Variants in MAPRE3 observed in about 807,000 individuals in gnomAD.
The protein encoded by MAPRE3 is microtubule associated protein RP/EB family member 3.
A neutral mutation model predicts 30.5 loss-of-function variants in MAPRE3; 2 were observed. The ratio of observed to expected loss-of-function variants is 0.07; its 90% CI spans 0.03 to 0.21. MAPRE3 has a LOEUF of 0.21. Ranked by LOEUF, MAPRE3 falls within the 10% of genes least tolerant of loss-of-function variation. MAPRE3 has a pLI of 1.00. For synonymous variants in MAPRE3, 110 were observed against 127.7 expected, an observed-to-expected ratio of 0.86 and a Z score of 0.93; for missense variants, 204 against 351.8, an observed-to-expected ratio of 0.58 and a Z score of 3.36.
intron 1 of MAPRE3, among the ~76,000 whole-genome samples, chr2:26,999,572 C>T (rs1308434058): frequency 3.9e-5 from 5 of 126,658 alleles, no homozygotes; most frequent in East Asian, 4.7e-4. Flanking sequence ...GGTGTGATCT[C>T]GGCTCACTGC....
chr2:26,971,397 TGGCTG>T (rs1481056410), intron 1 of MAPRE3, among the ~76,000 whole-genome samples: 1 of 152,192 alleles, frequency 6.6e-6, no homozygotes, highest in Non-Finnish European at 1.5e-5. Context: ...CGAATAGATT[TGGCTG>T]GGAAGGGTTC....
rs1666201950 is a variant in MAPRE3 at position 26,985,649 on chromosome 2, TC to T, written c.-8+14852del. ...TAACAAATTACTGTGAGAGTTCTAA[TC>T]CCCCAGAACTGGTAAATATTCCTTT... is the stretch of plus-strand genomic sequence containing the variant. On this transcript the variant is annotated intron_variant, in intron 1 of 6. Transcript: ENST00000233121. The surrounding 1 kb of genome is among the most constrained non-coding windows in gnomAD (Gnocchi z 4.2). Among the ~76,000 whole-genome samples the T allele has an allele frequency of 6.6e-6, 1 of 152,104 alleles. No individual in the cohort carries two copies. The highest frequency in any genetic ancestry group is 2.4e-5 in the African/African-American group (1 of 41,412).
chr2:26,977,722 G>C (rs1290850003), intron 1 of MAPRE3, among the ~76,000 whole-genome samples: 1 of 152,178 alleles, frequency 6.6e-6, no homozygotes, highest in African/African-American at 2.4e-5. Flanking sequence ...GCCACACCAG[G>C]TCCATGGAGC....
chr2:27,025,442 G>C (rs971742652), intron 4 of MAPRE3, 141 bp from the exon 5 acceptor site: 17 of 810,416 alleles, frequency 2.1e-5, no homozygotes, highest in Non-Finnish European at 3.3e-5. Context: ...AGCTGTAGAT[G>C]CCCTTCCTGG....
chr2:27,010,147 C>T (rs1326564541), intron 1 of MAPRE3, among the ~76,000 whole-genome samples: 1 of 152,198 alleles, frequency 6.6e-6, no homozygotes, highest in Admixed American at 6.5e-5. Flanking sequence ...TTCCACAAAA[C>T]CAAACATTAA....
At chr2:26,995,780 G>GGGGTGTGTGT (rs1433584791) in intron 1 of MAPRE3, among the ~76,000 whole-genome samples, 2 of 109,694 alleles carry the variant, frequency 1.8e-5, no homozygotes, top group African/African-American at 3.5e-5. Flanking sequence ...TTCTAAGAGA[G>GGGGTGTGTGT]GTGTGTGTGT....
rs969843108 is a variant in MAPRE3, at chr2:26,970,770, C to CCCTCCG, written c.-31_-26dup. 6.5e-6 allele frequency: 1 copy of CCCTCCG among 152,756 alleles called. No homozygotes were observed. Among genetic ancestry groups the CCCTCCG allele is most frequent in the Admixed American group, 6.5e-5 (1 of 15,314 alleles). The allele number at this position is 152,756 out of a possible 1,614,324, so 9.5% of individuals were successfully genotyped here. On this transcript the variant is annotated 5_prime_UTR_variant, in exon 1 of 7. Transcript: ENST00000233121. ...AGCGCCCCCGCCACCTGTCCCCTCC[C>CCCTCCG]CCTCCGCCTCCGCCGGAGCCGCCTC...
At chr2:27,004,101 G>C (rs1666668758) in intron 1 of MAPRE3, among the ~76,000 whole-genome samples, 2 of 152,172 alleles carry the variant, frequency 1.3e-5, no homozygotes, top group Admixed American at 1.3e-4. Context: ...TGTCCAAAAA[G>C]CGCTTCTATT....
rs1273586809 is a variant in MAPRE3 at position 26,985,721 on chromosome 2, ATTAAG to A, written c.-8+14925_-8+14929del. ...TTACCTTATATGGCAATAAGTGTTA[ATTAAG>A]TTAAGGATCTTGAGAGAGAGGTTTA... On this transcript the variant is annotated intron_variant, in intron 1 of 6. Coordinates refer to ENST00000233121, the MANE Select transcript of MAPRE3 (RefSeq NM_012326.4). The surrounding 1 kb of genome is among the most constrained non-coding windows in gnomAD (Gnocchi z 4.2). 6.6e-6 allele frequency among the ~76,000 whole-genome samples: 1 copy of A among 152,246 alleles called. No individual in the cohort carries two copies. Among genetic ancestry groups the A allele is most frequent in the African/African-American group, 2.4e-5 (1 of 41,458 alleles).
intron 1 of MAPRE3, among the ~76,000 whole-genome samples, chr2:26,982,116 T>C (rs998878068): frequency 1.3e-5 from 2 of 152,220 alleles, no homozygotes; most frequent in African/African-American, 4.8e-5. Flanking sequence ...CCTGTTTCTC[T>C]CTTGCCTATT....
chr2:26,998,525 C>T (rs1666516395), intron 1 of MAPRE3, among the ~76,000 whole-genome samples: 1 of 152,172 alleles, frequency 6.6e-6, no homozygotes, highest in Non-Finnish European at 1.5e-5. Flanking sequence ...TTACCTTGAG[C>T]ATGTTACCTA....
At chr2:27,019,366 G>A (rs1328757646) in intron 1 of MAPRE3, among the ~76,000 whole-genome samples, 10 of 150,018 alleles carry the variant, frequency 6.7e-5, no homozygotes, top group Non-Finnish European at 1.2e-4. Context: ...GGGGGATGGT[G>A]GGGGTATGGC....
At chr2:26,995,794 T>TGG (rs1666442757) in intron 1 of MAPRE3, among the ~76,000 whole-genome samples, 1 of 147,160 alleles carries the variant, frequency 6.8e-6, no homozygotes, top group South Asian at 2.2e-4. Context: ...TGTGTGTGTG[T>TGG]GTGTGTGTGT....
Position 27,024,313 on chromosome 2 carries a change from CG to C in MAPRE3, c.469+21del. ...GGCACAGCAGGTAACGTGCCCGAGC[CG>C]GGGGAGGGAGCGTGGGGGGCCGGGC... On this transcript the variant is annotated intron_variant, in intron 4 of 6. Coordinates refer to ENST00000233121, the MANE Select transcript of MAPRE3 (RefSeq NM_012326.4). 1 of 1,609,796 alleles carries C rather than the reference CG, an allele frequency of 6.2e-7. No individual in the cohort carries two copies.
rs1185251454 is a variant in MAPRE3 at position 26,986,511 on chromosome 2, A to T, written c.-8+15709A>T. ...AGAAGTGGTATCCATGGAATGTATT[A>T]CCTGCACAGGTTCTCTCAGGCAGAA... On this transcript the variant is annotated intron_variant, in intron 1 of 6. Coordinates refer to ENST00000233121, the MANE Select transcript of MAPRE3 (RefSeq NM_012326.4). The surrounding 1 kb of genome is among the most constrained non-coding windows in gnomAD (Gnocchi z 4.2). 2.6e-5 allele frequency: 4 copies of T among 152,178 alleles called. No homozygotes were observed. The highest frequency in any genetic ancestry group is 5.9e-5 in the Non-Finnish European group (4 of 68,018). 9.4% of individuals were successfully genotyped at this position (152,178 alleles called of 1,614,324 possible). A position where few individuals can be genotyped will look rare whatever the true frequency, so the allele number is the denominator to read the frequency against.
In MAPRE3 at chr2:27,026,410, C is replaced by CACATTATA. The variant is rs1667244934; in HGVS notation, c.*63_*70dup. The CACATTATA allele has an allele frequency of 1.3e-5, 18 of 1,371,740 alleles. No individual in the cohort carries two copies. The highest frequency in any genetic ancestry group is 1.8e-5 in the Admixed American group (1 of 54,628). The allele number at this position is 1,371,740 out of a possible 1,614,324, so 85.0% of individuals were successfully genotyped here. A position where few individuals can be genotyped will look rare whatever the true frequency, so the allele number is the denominator to read the frequency against. On this transcript the variant is annotated 3_prime_UTR_variant, in exon 7 of 7. Transcript: ENST00000233121. ...CGTGCCTCCCTCCCTGCTCCACTCCCACATTATAGTCCTTTCCTAACACGG... is the reference window on the plus strand; with the variant it reads ...CGTGCCTCCCTCCCTGCTCCACTCCCACATTATAACATTATAGTCCTTTCCTAACACGG...
intron 1 of MAPRE3, among the ~76,000 whole-genome samples, chr2:26,989,510 T>C (rs1189391855): frequency 1.3e-5 from 2 of 152,222 alleles, no homozygotes; most frequent in African/African-American, 2.4e-5. Context: ...AGTGCCTCTA[T>C]GTATCCTTCT....
At position 27,026,042 on chromosome 2, in the gene MAPRE3, C is replaced by G. The variant is rs1667233214; in HGVS notation, c.777+10C>G. 1 of 1,613,908 alleles carries G rather than the reference C, an allele frequency of 6.2e-7. No homozygotes were observed. Among genetic ancestry groups the G allele is most frequent in the Non-Finnish European group, 8.5e-7 (1 of 1,179,988 alleles). ...CCTCTATGCCACAGAGGTGAGCACT[C>G]CCAGGCCCATTGGGCCCTCCCCAGT... On this transcript the variant is annotated intron_variant, in intron 6 of 6. Coordinates refer to ENST00000233121, the MANE Select transcript of MAPRE3 (RefSeq NM_012326.4).
intron 4 of MAPRE3, among the ~76,000 whole-genome samples, chr2:27,025,297 T>C (rs1168454291): frequency 6.6e-6 from 1 of 152,218 alleles, no homozygotes; most frequent in Admixed American, 6.5e-5. Context: ...ATTTCTCTCC[T>C]CTATCCCTCA....
Sources: gnomAD v4.1 joint callset for allele counts (sites outside exome capture counted in the v4.1 genomes callset) on GRCh38, gnomAD v4.1.1 for gene constraint, Gnocchi (gnomAD v3.1) non-coding constraint, MANE v1.5 for transcripts, NCBI Gene and HGNC (gene_info 2026-07-23, HGNC 2026-07-21) for gene names.